The following KAT7 variants were observed in gnomAD, a reference collection of about 807,000 sequenced individuals.
The protein encoded by KAT7 is lysine acetyltransferase 7.
Under a neutral mutation model 82.1 loss-of-function variants are expected in KAT7, and 10 were observed. That is an observed-to-expected ratio of 0.12 (90% confidence interval 0.08 to 0.21). The LOEUF (loss-of-function observed/expected upper bound fraction) is 0.21. KAT7 is among the 10% of genes least tolerant of loss of function. KAT7 has a pLI of 1.00. For synonymous variants in KAT7, 250 were observed against 262.5 expected, an observed-to-expected ratio of 0.95 and a Z score of 0.46; for missense variants, 378 against 760.9, an observed-to-expected ratio of 0.50 and a Z score of 5.92.
intron 4 of KAT7, among the ~76,000 whole-genome samples, chr17:49,802,178 T>A (rs1760981027): frequency 6.6e-6 from 1 of 152,214 alleles, no homozygotes; most frequent in Non-Finnish European, 1.5e-5. Flanking sequence ...GTTTCTCATT[T>A]TTAGCTTTTT....
chr17:49,827,013 A>G, intron 14 of KAT7: 1 of 480,986 alleles, frequency 2.1e-6, no homozygotes, highest in Non-Finnish European at 3.7e-6. Flanking sequence ...TTTGGATGAC[A>G]CAAGTTAAGC....
At position 49,788,791 on chromosome 17, in the gene KAT7, C is replaced by T. The variant is rs2073841414; in HGVS notation, c.-44C>T. ...GCCGGAGCCACCGTTCCTGCTGCTG[C>T]CGCCGCTGCCCGAATCGGAACCGTC... On this transcript the variant is annotated 5_prime_UTR_variant, in exon 1 of 15. Transcript: ENST00000259021. 6.4e-7 allele frequency: 1 copy of T among 1,565,010 alleles called. No homozygotes were observed. The highest frequency in any genetic ancestry group is 1.4e-5 in the African/African-American group (1 of 73,016).
chr17:49,793,726 C>T (rs139777646), intron 2 of KAT7, among the ~76,000 whole-genome samples: 166 of 152,180 alleles, frequency 1.1e-3, no homozygotes, highest in African/African-American at 3.8e-3. Context: ...GTGCACGCCA[C>T]CGTGCCCAGC....
At chr17:49,808,503 T>C (rs1363222406) in intron 5 of KAT7, among the ~76,000 whole-genome samples, 1 of 150,950 alleles carries the variant, frequency 6.6e-6, no homozygotes, top group Non-Finnish European at 1.5e-5. Context: ...CAGGCTGGAG[T>C]GCAGTGGTGC....
chr17:49,795,055 G>A (rs1412190049), intron 2 of KAT7, among the ~76,000 whole-genome samples: 3 of 151,186 alleles, frequency 2.0e-5, no homozygotes, highest in African/African-American at 7.3e-5. Flanking sequence ...CCGTGAGAGA[G>A]TGAGGCTGAC....
At chr17:49,808,977 G>A in intron 5 of KAT7, 142 bp from the exon 6 acceptor site, 1 of 624,184 alleles carries the variant, frequency 1.6e-6, no homozygotes, top group East Asian at 2.9e-5. Flanking sequence ...TCTCTTTCTT[G>A]TAGAGATTGT....
chr17:49,795,523 G>A (rs181837586), intron 2 of KAT7: 6 of 239,990 alleles, frequency 2.5e-5, no homozygotes, highest in Admixed American at 8.0e-5. Flanking sequence ...AAGAGCTATC[G>A]ATGGGAAAAA....
intron 4 of KAT7, among the ~76,000 whole-genome samples, chr17:49,804,337 T>A (rs1005712951): frequency 6.7e-6 from 1 of 148,720 alleles, no homozygotes; most frequent in Non-Finnish European, 1.5e-5. Flanking sequence ...CGAGATCGCA[T>A]CACTGCACTC....
intron 2 of KAT7, among the ~76,000 whole-genome samples, chr17:49,794,154 T>G (rs1427797224): frequency 6.6e-6 from 1 of 152,146 alleles, no homozygotes; most frequent in Non-Finnish European, 1.5e-5. Flanking sequence ...TACAGTTCAG[T>G]GCAAGATACA....
intron 9 of KAT7, among the ~76,000 whole-genome samples, chr17:49,820,121 G>A (rs1945417529): frequency 6.6e-6 from 1 of 152,208 alleles, no homozygotes; most frequent in African/African-American, 2.4e-5. Context: ...AACTAACCAG[G>A]CATGGCGCCA....
chr17:49,834,896 C>T lies in KAT7; in HGVS notation c.*7394C>T, dbSNP rs767765051. ...GTGTGCACCCGTAGTGCCAGCTACT[C>T]AGGAGGCTGAGGTAGGAGGATCACC... On this transcript the variant is annotated 3_prime_UTR_variant, in exon 15 of 15. Coordinates refer to ENST00000259021, the MANE Select transcript of KAT7 (RefSeq NM_007067.5). 1 of 152,160 alleles carries T rather than the reference C, an allele frequency of 6.6e-6. No homozygotes were observed. The highest frequency in any genetic ancestry group is 6.6e-5 in the Admixed American group (1 of 15,258). The allele number at this position is 152,160 out of a possible 1,614,324, so 9.4% of individuals were successfully genotyped here.
At chr17:49,789,143 G>T (rs1315427739) in intron 1 of KAT7, 3 of 297,034 alleles carry the variant, frequency 1.0e-5, no homozygotes, top group Admixed American at 5.2e-5. Flanking sequence ...GCCTGTTTGG[G>T]CTCAACGGTC....
intron 4 of KAT7, among the ~76,000 whole-genome samples, chr17:49,798,819 T>G (rs1350351123): frequency 6.6e-6 from 1 of 152,194 alleles, no homozygotes; most frequent in Non-Finnish European, 1.5e-5. Context: ...AAAAATTCCC[T>G]CATTTTCCTA....
intron 12 of KAT7, among the ~76,000 whole-genome samples, chr17:49,825,041 G>A (rs2074352461): frequency 6.6e-6 from 1 of 151,836 alleles, no homozygotes; most frequent in African/African-American, 2.4e-5. Context: ...AATTGATAGT[G>A]GGATTGAGAA....
chr17:49,805,057 G>A (rs1399829238), intron 4 of KAT7, among the ~76,000 whole-genome samples: 1 of 152,166 alleles, frequency 6.6e-6, no homozygotes, highest in Non-Finnish European at 1.5e-5. Context: ...CCTGTTCATA[G>A]TCTTGGGCTT....
intron 12 of KAT7, among the ~76,000 whole-genome samples, chr17:49,825,140 T>C (rs1386951620): frequency 6.6e-6 from 1 of 152,172 alleles, no homozygotes; most frequent in African/African-American, 2.4e-5. Flanking sequence ...GCAGGTTAGT[T>C]GTCTAAAAGG....
chr17:49,824,856 A>G (rs932959007), intron 12 of KAT7: 2 of 152,224 alleles, frequency 1.3e-5, no homozygotes, highest in Admixed American at 6.5e-5. Flanking sequence ...TTGGGGGGCT[A>G]ATCTTGTTTT....
chr17:49,818,853 C>G (rs1184802722), intron 9 of KAT7, among the ~76,000 whole-genome samples: 1 of 152,058 alleles, frequency 6.6e-6, no homozygotes, highest in East Asian at 1.9e-4. Context: ...ATTCTCCTGC[C>G]TCAGCCTCCT....
rs533838069 is a variant in KAT7 at position 49,831,166 on chromosome 17, C to T, written c.*3664C>T. On this transcript the variant is annotated 3_prime_UTR_variant, in exon 15 of 15. Coordinates refer to ENST00000259021, the MANE Select transcript of KAT7 (RefSeq NM_007067.5). Reference sequence around the variant, plus strand: ...GGGCACATGCCTGTAGTCTCAGCTACTTGGGAGGCTGAGGCACGAGAATCG... The same window carrying T: ...GGGCACATGCCTGTAGTCTCAGCTATTTGGGAGGCTGAGGCACGAGAATCG... 6.6e-6 allele frequency: 1 copy of T among 152,356 alleles called. No individual in the cohort carries two copies. The highest frequency in any genetic ancestry group is 6.5e-5 in the Admixed American group (1 of 15,300). The allele number at this position is 152,356 out of a possible 1,614,324, so 9.4% of individuals were successfully genotyped here.
Sources: gnomAD v4.1 joint callset for allele counts (sites outside exome capture counted in the v4.1 genomes callset) on GRCh38, gnomAD v4.1.1 for gene constraint, MANE v1.5 for transcripts, NCBI Gene and HGNC (gene_info 2026-07-23, HGNC 2026-07-21) for gene names.